CNBD1: variants seen among roughly 807,000 people sequenced by gnomAD.
The protein encoded by CNBD1 is cyclic nucleotide binding domain containing 1.
Under a neutral mutation model 54.4 loss-of-function variants are expected in CNBD1, and 71 were observed. That is an observed-to-expected ratio of 1.30 (90% CI 1.08 to 1.59). The LOEUF (loss-of-function observed/expected upper bound fraction) is 1.59. CNBD1 is among the 40% of genes most tolerant of loss of function. The pLI, the probability that CNBD1 is intolerant of heterozygous loss-of-function variation, is 0.00. For synonymous variants in CNBD1, 182 were observed against 170.7 expected, an observed-to-expected ratio of 1.07 and a Z score of -0.51; for missense variants, 659 against 518.0, an observed-to-expected ratio of 1.27 and a Z score of -2.64.
chr8:86,985,073 G>A (rs1373650660), intron 4 of CNBD1, among the ~76,000 whole-genome samples: 1 of 152,084 alleles, frequency 6.6e-6, no homozygotes, highest in East Asian at 1.9e-4. Context: ...GGTCTTTCGT[G>A]TGCTTTACTT....
intron 2 of CNBD1, among the ~76,000 whole-genome samples, chr8:87,397,687 G>C (rs142913231): frequency 0.013 from 2,021 of 151,980 alleles, 36 homozygotes; most frequent in African/African-American, 0.046. Context: ...TAATTTTGCT[G>C]TTATCACAAA....
chr8:87,389,613 A>C (rs1181693543), intron 2 of CNBD1, among the ~76,000 whole-genome samples: 1 of 152,186 alleles, frequency 6.6e-6, no homozygotes, highest in Non-Finnish European at 1.5e-5. Flanking sequence ...GATACAAACA[A>C]ATGGAAGAAC....
chr8:86,928,988 TTTTTCAGTC>T (rs1809412734), intron 3 of CNBD1, among the ~76,000 whole-genome samples: 1 of 152,224 alleles, frequency 6.6e-6, no homozygotes, highest in Non-Finnish European at 1.5e-5. Flanking sequence ...GTCCCCATTC[TTTTTCAGTC>T]GGGAAATACT....
chr8:86,893,457 C>A (rs539013027), intron 2 of CNBD1, among the ~76,000 whole-genome samples: 30 of 152,184 alleles, frequency 2.0e-4, no homozygotes, highest in African/African-American at 7.2e-4. Flanking sequence ...CTTCCCTTCC[C>A]CTTAAGGAAC....
At chr8:86,907,557 A>G (rs149008476) in intron 3 of CNBD1, among the ~76,000 whole-genome samples, 3,301 of 152,026 alleles carry the variant, frequency 0.022, 122 homozygotes, top group African/African-American at 0.076. Flanking sequence ...AATCCCAGCT[A>G]CTTGGGAGGC....
At chr8:87,003,950 A>G (rs1298185644) in intron 4 of CNBD1, among the ~76,000 whole-genome samples, 1 of 152,166 alleles carries the variant, frequency 6.6e-6, no homozygotes, top group Non-Finnish European at 1.5e-5. Flanking sequence ...CCTCACCAGA[A>G]GTCTGCTGAC....
At chr8:87,412,212 A>G (rs1428905635) in intron 2 of CNBD1, among the ~76,000 whole-genome samples, 1 of 152,086 alleles carries the variant, frequency 6.6e-6, no homozygotes, top group Non-Finnish European at 1.5e-5. Context: ...TCATTTATGT[A>G]TGTAATCTCC....
intron 5 of CNBD1, among the ~76,000 whole-genome samples, chr8:87,207,428 GAAA>G (rs753766882): frequency 5.9e-5 from 9 of 151,372 alleles, no homozygotes; most frequent in Non-Finnish European, 8.9e-5. Context: ...ACACATTTAT[GAAA>G]AAATCTAAAT....
intron 4 of CNBD1, among the ~76,000 whole-genome samples, chr8:87,160,034 G>A (rs1812822700): frequency 1.3e-5 from 2 of 151,608 alleles, no homozygotes; most frequent in African/African-American, 2.4e-5. Context: ...TCCAGAAAAT[G>A]TCATTCCTAG....
rs1291230767 is a variant in CNBD1, at chr8:87,110,299, A to G, written c.432-95694A>G. On this transcript the variant is annotated intron_variant, in intron 4 of 10. Transcript: ENST00000518476. ...GCAAAGATTCCACACTGAATTATACATAAGTGACCTCTACACATTGAATCT... is the reference window on the plus strand; with the variant it reads ...GCAAAGATTCCACACTGAATTATACGTAAGTGACCTCTACACATTGAATCT... Among the ~76,000 whole-genome samples the G allele has an allele frequency of 3.3e-5, 5 of 152,202 alleles. No homozygotes were observed. The East Asian group carries it at 7.7e-4, about 23-fold the overall frequency.
intron 10 of CNBD1, among the ~76,000 whole-genome samples, chr8:87,355,074 A>G (rs1478089079): frequency 1.3e-5 from 2 of 152,170 alleles, no homozygotes; most frequent in Non-Finnish European, 2.9e-5. Flanking sequence ...ACACTGCTGG[A>G]TGAGTTTTTT....
chr8:87,025,964 A>T (rs1287548799), intron 4 of CNBD1, among the ~76,000 whole-genome samples: 2 of 152,198 alleles, frequency 1.3e-5, no homozygotes, highest in African/African-American at 4.8e-5. Flanking sequence ...GTTATAACTG[A>T]TATGTTTTCT....
At chr8:87,371,066 T>C (rs1810777558) in intron 10 of CNBD1, among the ~76,000 whole-genome samples, 1 of 150,994 alleles carries the variant, frequency 6.6e-6, no homozygotes, top group East Asian at 2.0e-4. Flanking sequence ...CTGAGGGCTG[T>C]GTTCTGTTCC....
At chr8:87,051,684 G>A (rs980496125) in intron 4 of CNBD1, among the ~76,000 whole-genome samples, 6 of 152,222 alleles carry the variant, frequency 3.9e-5, no homozygotes, top group East Asian at 1.9e-4. Flanking sequence ...GATCGCTCAT[G>A]CTATTGTTTG....
intron 4 of CNBD1, among the ~76,000 whole-genome samples, chr8:87,141,175 A>G (rs535219879): frequency 1.3e-5 from 2 of 152,288 alleles, no homozygotes; most frequent in South Asian, 2.1e-4. Flanking sequence ...CAAGTCATCT[A>G]ATTTTCATTT....
intron 4 of CNBD1, among the ~76,000 whole-genome samples, chr8:87,157,313 A>C (rs1812761886): frequency 6.6e-6 from 1 of 152,194 alleles, no homozygotes; most frequent in Non-Finnish European, 1.5e-5. Flanking sequence ...TAGAAAAATG[A>C]TATTGTAACA....
At chr8:86,991,943 C>T (rs1433228651) in intron 4 of CNBD1, among the ~76,000 whole-genome samples, 1 of 152,084 alleles carries the variant, frequency 6.6e-6, no homozygotes, top group Non-Finnish European at 1.5e-5. Context: ...TGTAGTTGAT[C>T]TTAGAATGTG....
intron 8 of CNBD1, among the ~76,000 whole-genome samples, chr8:87,306,414 A>T (rs1455615893): frequency 6.6e-6 from 1 of 152,186 alleles, no homozygotes; most frequent in Non-Finnish European, 1.5e-5. Flanking sequence ...CTCAGAAGAA[A>T]ATAAGTTATT....
At chr8:87,285,644 G>A (rs1045934643) in intron 7 of CNBD1, among the ~76,000 whole-genome samples, 29 of 152,148 alleles carry the variant, frequency 1.9e-4, no homozygotes, top group Admixed American at 1.8e-3. Flanking sequence ...ACCAAGGCAG[G>A]CAGATCAGCT....
Sources: gnomAD v4.1 joint callset for allele counts (sites outside exome capture counted in the v4.1 genomes callset) on GRCh38, gnomAD v4.1.1 for gene constraint, MANE v1.5 for transcripts, NCBI Gene and HGNC (gene_info 2026-07-23, HGNC 2026-07-21) for gene names.